Variants in TAMM41 observed in about 807,000 individuals in gnomAD.
TAMM41 encodes the protein TAM41 mitochondrial translocator assembly and maintenance homolog.
TAMM41 carries 36 observed loss-of-function variants against 44.1 expected under a neutral mutation model. That is an observed-to-expected ratio of 0.82 (90% CI 0.63 to 1.08). The LOEUF is 1.08. Among genes scored for constraint, TAMM41 ranks in the 50% least tolerant of loss-of-function variants. The pLI, the probability that TAMM41 is intolerant of heterozygous loss-of-function variation, is 0.00. For missense variants in TAMM41, 417 were observed against 404.3 expected (o/e 1.03, Z -0.27); for synonymous variants, 164 against 153.1 (o/e 1.07, Z -0.53).
chr3:11,801,928 T>C (rs1447612117), intron 7 of TAMM41, among the ~76,000 whole-genome samples: 1 of 151,926 alleles, frequency 6.6e-6, no homozygotes, highest in East Asian at 1.9e-4. Flanking sequence ...ATCAACAAAA[T>C]GAAAAGTTGG....
intron 5 of TAMM41, among the ~76,000 whole-genome samples, chr3:11,815,095 C>T (rs1051788998): frequency 6.6e-6 from 1 of 152,156 alleles, no homozygotes; most frequent in African/African-American, 2.4e-5. Context: ...TACTATCTAT[C>T]AAAGGGAGGG....
the TAMM41 span, among the ~76,000 whole-genome samples, chr3:11,726,203 A>G: frequency 6.6e-6 from 1 of 152,224 alleles, no homozygotes; most frequent in African/African-American, 2.4e-5. Flanking sequence ...ACTTTCATGA[A>G]TCTCTCCTGT....
intron 5 of TAMM41, among the ~76,000 whole-genome samples, chr3:11,814,761 G>T (rs1575647490): frequency 6.6e-6 from 1 of 152,172 alleles, no homozygotes; most frequent in East Asian, 1.9e-4. Flanking sequence ...CCAGGAGTTT[G>T]AGACCAGCCT....
chr3:11,796,923 G>A (rs1179947151), intron 7 of TAMM41, among the ~76,000 whole-genome samples: 1 of 152,066 alleles, frequency 6.6e-6, no homozygotes, highest in Non-Finnish European at 1.5e-5. Flanking sequence ...GCCATAAAAA[G>A]GAATACATCT....
At chr3:11,788,925 G>T (rs777385095), downstream of TAMM41, among the ~76,000 whole-genome samples, 12 of 150,486 alleles carry the variant, frequency 8.0e-5, no homozygotes, top group Non-Finnish European at 1.2e-4. Flanking sequence ...CAACAAGGGC[G>T]AAATTCCATC....
chr3:11,823,342 G>A lies in TAMM41; in HGVS notation c.563-6005C>T, dbSNP rs540502904. On this transcript the variant is annotated intron_variant, in intron 4 of 7. Coordinates refer to ENST00000455809, the MANE Select transcript of TAMM41 (RefSeq NM_001284401.2). ...ATGATCTTGGCTCACTGCAACCTCC[G>A]CCTCCTGGGGTCAAGCTATTCTCCT... Among the ~76,000 whole-genome samples, 41 of 144,434 alleles carry A rather than the reference G, an allele frequency of 2.8e-4. 1 individual carries two copies. The highest frequency in any genetic ancestry group is 8.8e-4 in the East Asian group (4 of 4,528). 94.8% of individuals were successfully genotyped at this position (144,434 alleles called of 152,430 possible).
chr3:11,793,545 T>A (rs1490938600), intron 7 of TAMM41, among the ~76,000 whole-genome samples: 2 of 152,150 alleles, frequency 1.3e-5, no homozygotes, highest in Non-Finnish European at 2.9e-5. Flanking sequence ...ACAAAAATAT[T>A]CACAGCAGCA....
intron 7 of TAMM41, chr3:11,807,489 AGAG>A (rs990102405): frequency 1.6e-5 from 24 of 1,536,072 alleles, no homozygotes; most frequent in Non-Finnish European, 2.0e-5. Context: ...GAGAAGGGGA[AGAG>A]GAGGGGGAGC....
At chr3:11,732,990 T>G in the TAMM41 span, among the ~76,000 whole-genome samples, 15 of 77,454 alleles carry the variant, frequency 1.9e-4, no homozygotes, top group South Asian at 8.0e-4. Flanking sequence ...ATGATTTGAG[T>G]TTTTTTTTTG....
the TAMM41 span, among the ~76,000 whole-genome samples, chr3:11,757,960 G>A: frequency 6.6e-6 from 1 of 152,154 alleles, no homozygotes; most frequent in Admixed American, 6.5e-5. Flanking sequence ...GTTGTACTGG[G>A]AGTTTTTATA....
chr3:11,770,325 T>C, the TAMM41 span, among the ~76,000 whole-genome samples: 1 of 152,120 alleles, frequency 6.6e-6, no homozygotes, highest in African/African-American at 2.4e-5. Flanking sequence ...ACCACTACCC[T>C]GGAGGGCAGC....
intron 1 of TAMM41, among the ~76,000 whole-genome samples, chr3:11,845,832 C>T (rs2079658373): frequency 6.6e-6 from 1 of 152,174 alleles, no homozygotes; most frequent in Non-Finnish European, 1.5e-5. Flanking sequence ...TGAGGCTGTG[C>T]TGAGCCAACT....
chr3:11,810,705 A>G (rs540930128), intron 5 of TAMM41: 1 of 152,306 alleles, frequency 6.6e-6, no homozygotes, highest in South Asian at 2.1e-4. Flanking sequence ...GATAGGACGA[A>G]CTTTCTTAAT....
chr3:11,840,117 C>A (rs955171267), intron 2 of TAMM41, among the ~76,000 whole-genome samples: 21 of 152,252 alleles, frequency 1.4e-4, no homozygotes, highest in African/African-American at 4.8e-4. Flanking sequence ...ATTCCCTAGT[C>A]CCCTGTTCAC....
the TAMM41 span, among the ~76,000 whole-genome samples, chr3:11,772,639 A>G: frequency 2.6e-5 from 4 of 152,188 alleles, no homozygotes; most frequent in Non-Finnish European, 4.4e-5. Flanking sequence ...CAGTGCTGTC[A>G]TAAACACATG....
At chr3:11,790,602 A>G (rs2124906649) in intron 7 of TAMM41, 21 bp from the exon 8 acceptor site, 2 of 1,595,930 alleles carry the variant, frequency 1.3e-6, no homozygotes, top group Non-Finnish European at 1.7e-6. Flanking sequence ...AAAGATGAGA[A>G]AGTAAGAAGA....
intron 2 of TAMM41, among the ~76,000 whole-genome samples, chr3:11,841,103 G>C (rs374054368): frequency 3.3e-4 from 25 of 74,630 alleles, no homozygotes; most frequent in African/African-American, 1.3e-3. Context: ...TTTTTTTTGA[G>C]ACAGAGTCTT....
At chr3:11,815,712 G>C (rs763012695) in intron 5 of TAMM41, among the ~76,000 whole-genome samples, 3 of 150,810 alleles carry the variant, frequency 2.0e-5, no homozygotes, top group Non-Finnish European at 4.4e-5. Flanking sequence ...AGAATTGATG[G>C]GGTAGTGTAA....
intron 3 of TAMM41, among the ~76,000 whole-genome samples, chr3:11,832,385 CGGTATTA>C: frequency 6.6e-6 from 1 of 152,092 alleles, no homozygotes; most frequent in Admixed American, 6.5e-5. Context: ...AGTGTAAGCA[CGGTATTA>C]GGTATTAACA....
Sources: allele counts gnomAD v4.1 joint callset (sites outside exome capture counted in the v4.1 genomes callset), GRCh38; gene constraint gnomAD v4.1.1; transcripts MANE v1.5; gene names NCBI Gene and HGNC (gene_info 2026-07-23, HGNC 2026-07-21).